FOXP2: variants seen among roughly 807,000 people sequenced by gnomAD.
FOXP2 encodes the protein forkhead box P2, also known as forkhead box protein P2.
In FOXP2, 12 loss-of-function variants were observed where a neutral mutation model predicts 115.8. That is an observed-to-expected ratio of 0.10 (90% CI 0.07 to 0.17). The LOEUF is 0.17. FOXP2 is among the 10% of genes least tolerant of loss of function. The pLI, the probability that FOXP2 is intolerant of heterozygous loss-of-function variation, is 1.00. For synonymous variants in FOXP2, 328 were observed against 297.7 expected (o/e 1.10, Z -1.05); for missense variants, 629 against 843.5 (o/e 0.75, Z 3.15).
At chr7:114,465,163 C>T (rs1795748363) in intron 2 of FOXP2, among the ~76,000 whole-genome samples, 1 of 152,068 alleles carries the variant, frequency 6.6e-6, no homozygotes, top group Non-Finnish European at 1.5e-5. Context: ...TGAGGTGTCG[C>T]CGTGTTGCCA....
At chr7:114,604,399 A>G (rs567452670) in intron 3 of FOXP2, among the ~76,000 whole-genome samples, 1 of 152,310 alleles carries the variant, frequency 6.6e-6, no homozygotes, top group Admixed American at 6.5e-5. Context: ...AACAATGCCT[A>G]AGAAAGATAT....
At chr7:114,127,065 A>G (rs1791730547) in intron 1 of FOXP2, among the ~76,000 whole-genome samples, 1 of 152,174 alleles carries the variant, frequency 6.6e-6, no homozygotes, top group Non-Finnish European at 1.5e-5. Context: ...TCAACTGGGA[A>G]AAGACCTGTT....
intron 3 of FOXP2, among the ~76,000 whole-genome samples, chr7:114,545,820 A>G (rs1448418023): frequency 6.6e-6 from 1 of 152,048 alleles, no homozygotes; most frequent in African/African-American, 2.4e-5. Flanking sequence ...TGCATCTTTT[A>G]AATTTCAATT....
Position 114,659,418 on chromosome 7 carries a change from A to G in FOXP2, c.1531A>G (p.Thr511Ala). Residue 511 changes from threonine to alanine, a missense_variant, in exon 12 of 17, where the codon ACT (threonine) becomes GCT (alanine). Thr to Ala is a moderately conservative substitution (Grantham distance 58). This residue lies in a region of FOXP2 where 26 missense variants were observed against 61.1 expected (regional missense o/e 0.43). Transcript: ENST00000350908. ...ADVRPPFTYA[T>A]LIRQAIMESS... ...TGTCAGACCTCCATTTACTTATGCA[A>G]CTCTCATAAGGCAGGTAAGTAGAAG... 5 of 1,613,284 alleles carry G rather than the reference A, an allele frequency of 3.1e-6. No homozygotes were observed. The highest frequency in any genetic ancestry group is 4.2e-6 in the Non-Finnish European group (5 of 1,179,376).
At chr7:114,467,130 C>T (rs138300461) in intron 2 of FOXP2, among the ~76,000 whole-genome samples, 258 of 152,154 alleles carry the variant, frequency 1.7e-3, no homozygotes, top group African/African-American at 5.7e-3. Context: ...GTTTGGTGAC[C>T]TCCACTGTTT....
chr7:114,408,582 C>T (rs907881274), intron 2 of FOXP2, among the ~76,000 whole-genome samples: 9 of 151,962 alleles, frequency 5.9e-5, no homozygotes, highest in Non-Finnish European at 1.3e-4. Flanking sequence ...CAAAAATTAG[C>T]AGGGCATGGT....
intron 2 of FOXP2, among the ~76,000 whole-genome samples, chr7:114,526,958 A>G (rs971738304): frequency 4.1e-5 from 6 of 146,796 alleles, no homozygotes; most frequent in South Asian, 4.4e-4. Flanking sequence ...TTTCCATTCT[A>G]TCTTACGTCT....
chr7:114,128,722 A>G (rs1333631355), intron 1 of FOXP2, among the ~76,000 whole-genome samples: 1 of 152,066 alleles, frequency 6.6e-6, no homozygotes, highest in Non-Finnish European at 1.5e-5. Flanking sequence ...TGCCCCAGGG[A>G]CTCAAGGACA....
chr7:114,216,236 G>C (rs1021171598), intron 1 of FOXP2, among the ~76,000 whole-genome samples: 1 of 152,104 alleles, frequency 6.6e-6, no homozygotes, highest in Admixed American at 6.6e-5. Context: ...CATGTGCGGC[G>C]AAAGGAATAG....
intron 13 of FOXP2, 31 bp from the exon 14 acceptor site, chr7:114,662,034 G>A (rs369384668): frequency 1.2e-5 from 19 of 1,610,838 alleles, no homozygotes; most frequent in Middle Eastern, 3.3e-4. Context: ...TATTATTTTT[G>A]CCATTTTTTC....
At chr7:114,481,220 C>T (rs955487094) in intron 2 of FOXP2, among the ~76,000 whole-genome samples, 4 of 151,184 alleles carry the variant, frequency 2.6e-5, no homozygotes, top group African/African-American at 9.7e-5. Context: ...TATAGATAAG[C>T]TTCTTACTTG....
intron 3 of FOXP2, among the ~76,000 whole-genome samples, chr7:114,623,635 CAAAGA>C (rs763582455): frequency 1.1e-4 from 16 of 151,832 alleles, no homozygotes; most frequent in Non-Finnish European, 2.2e-4. Flanking sequence ...ACCAGCAGTA[CAAAGA>C]AAAGAATATA....
intron 3 of FOXP2, among the ~76,000 whole-genome samples, chr7:114,599,038 T>C (rs927256055): frequency 6.6e-6 from 1 of 152,198 alleles, no homozygotes; most frequent in Non-Finnish European, 1.5e-5. Flanking sequence ...AAAGATACTT[T>C]TATTTCTTTT....
intron 5 of FOXP2, among the ~76,000 whole-genome samples, chr7:114,630,802 G>A (rs1277426959): frequency 6.6e-6 from 1 of 152,064 alleles, no homozygotes; most frequent in Non-Finnish European, 1.5e-5. Flanking sequence ...CCATTATGCA[G>A]TCTGTTTTCC....
chr7:114,186,170 C>A (rs768289191), intron 1 of FOXP2, among the ~76,000 whole-genome samples: 52 of 152,200 alleles, frequency 3.4e-4, no homozygotes, highest in East Asian at 1.2e-3. Flanking sequence ...AGAATCTCAT[C>A]CCTGAGCCCT....
chr7:114,602,613 A>G (rs1452058872), intron 3 of FOXP2, among the ~76,000 whole-genome samples: 1 of 151,940 alleles, frequency 6.6e-6, no homozygotes, highest in African/African-American at 2.4e-5. Flanking sequence ...AAAAACCTAC[A>G]TTTCACCCCC....
upstream of FOXP2, chr7:114,086,351 C>G: frequency 4.9e-6 from 2 of 407,060 alleles, 1 homozygote; most frequent in Non-Finnish European, 9.7e-6. Flanking sequence ...CACGCCGGCG[C>G]GTGCAGCTCC....
intron 1 of FOXP2, among the ~76,000 whole-genome samples, chr7:114,204,672 A>G (rs767276434): frequency 6.6e-5 from 10 of 152,210 alleles, no homozygotes; most frequent in Non-Finnish European, 1.2e-4. Context: ...CTTGCCTATC[A>G]AAATTGTTTG....
At chr7:114,331,863 T>A (rs1314659275) in intron 2 of FOXP2, among the ~76,000 whole-genome samples, 1 of 152,010 alleles carries the variant, frequency 6.6e-6, no homozygotes, top group African/African-American at 2.4e-5. Flanking sequence ...GCCAGGATGG[T>A]TTCAAACTCC....
Sources: allele counts gnomAD v4.1 joint callset (sites outside exome capture counted in the v4.1 genomes callset), GRCh38; gene constraint gnomAD v4.1.1; regional missense constraint gnomAD v4.1.1; transcripts MANE v1.5; gene names NCBI Gene and HGNC (gene_info 2026-07-23, HGNC 2026-07-21).